Variants in RALB observed in about 807,000 individuals in gnomAD.
The protein encoded by RALB is ras-related protein Ral-B.
In RALB, 16 loss-of-function variants were observed where a neutral mutation model predicts 21.3. The ratio of observed to expected loss-of-function variants is 0.75; its 90% CI spans 0.51 to 1.14. The LOEUF (loss-of-function observed/expected upper bound fraction) is 1.14. Ranked by LOEUF, RALB falls within the 50% of genes most tolerant of loss-of-function variation. The pLI, the probability that RALB is intolerant of heterozygous loss-of-function variation, is 0.00. For synonymous variants in RALB, 93 were observed against 96.1 expected (o/e 0.97, Z 0.19); for missense variants, 161 against 256.2 (o/e 0.63, Z 2.54).
chr2:120,240,163 C>G (rs1215815167), intron 1 of RALB: 1 of 1,289,402 alleles, frequency 7.8e-7, no homozygotes, highest in East Asian at 5.5e-5. Context: ...CACTTCGAAG[C>G]CCCACAGTGA....
In RALB at chr2:120,293,913, T is replaced by C; in HGVS notation, c.*653T>C. On this transcript the variant is annotated 3_prime_UTR_variant, in exon 5 of 5. Coordinates refer to ENST00000272519, the MANE Select transcript of RALB (RefSeq NM_002881.3). ...CTCTTATTTAAACATTGGCCTATTA[T>C]AATCTGTGTTGGTTATTTTTCTCCT... The C allele has an allele frequency of 2.6e-6, 1 of 380,468 alleles. No individual in the cohort carries two copies. The allele number at this position is 380,468 out of a possible 1,614,324, so 23.6% of individuals were successfully genotyped here.
intron 3 of RALB, among the ~76,000 whole-genome samples, chr2:120,288,707 A>C (rs1690233411): frequency 6.6e-6 from 1 of 152,194 alleles, no homozygotes; most frequent in African/African-American, 2.4e-5. Flanking sequence ...TAGACGTAAA[A>C]TTTAATATGC....
intron 1 of RALB, among the ~76,000 whole-genome samples, chr2:120,246,379 G>A (rs1175260323): frequency 6.6e-6 from 1 of 152,188 alleles, no homozygotes; most frequent in Non-Finnish European, 1.5e-5. Context: ...GCCTCCAACA[G>A]TAAGCAGTGA....
At chr2:120,258,871 G>C (rs571813165) in intron 1 of RALB, among the ~76,000 whole-genome samples, 4 of 152,176 alleles carry the variant, frequency 2.6e-5, no homozygotes, top group Admixed American at 2.6e-4. Flanking sequence ...GGACCCTCGC[G>C]GTGAGTGTTA....
chr2:120,241,795 T>A (rs1026603031), intron 1 of RALB, among the ~76,000 whole-genome samples: 2 of 152,026 alleles, frequency 1.3e-5, no homozygotes, highest in Non-Finnish European at 2.9e-5. Context: ...CATGGAGAAA[T>A]TGGAACCTTT....
In RALB at chr2:120,240,283, T is replaced by A. The variant is rs570040940; in HGVS notation, c.19+158T>A. On this transcript the variant is annotated intron_variant, in intron 1 of 3. Coordinates refer to the RALB transcript ENST00000447591. ...ACTCATGGAGCTGCTACTTTTTTAT[T>A]TTTATTTTTATTTTTTTTTGAGACA... 3.9e-4 allele frequency among the ~76,000 whole-genome samples: 55 copies of A among 141,732 alleles called. 1 individual carries two copies. The highest frequency in any genetic ancestry group is 1.4e-3 in the African/African-American group (48 of 34,100). 93.0% of individuals were successfully genotyped at this position (141,732 alleles called of 152,430 possible).
chr2:120,252,079 C>CT (rs1689067887), upstream of RALB, among the ~76,000 whole-genome samples: 1 of 152,202 alleles, frequency 6.6e-6, no homozygotes, highest in South Asian at 2.1e-4. Context: ...GTTGCGATGG[C>CT]TTGTGACTCT....
Position 120,252,995 on chromosome 2 carries a change from C to T in RALB, c.-48+15C>T, listed in dbSNP as rs1689094099. ...ACTGGTCCCTGGTAAGGGCGCGGCG[C>T]CCGCGGGCCCCGGGCGGGGTGGGGC... On this transcript the variant is annotated intron_variant, in intron 1 of 4. Coordinates refer to ENST00000272519, the MANE Select transcript of RALB (RefSeq NM_002881.3). 2 of 984,334 alleles carry T rather than the reference C, an allele frequency of 2.0e-6. No homozygotes were observed. The highest frequency in any genetic ancestry group is 9.4e-5 in the South Asian group (2 of 21,306). 61.0% of individuals were successfully genotyped at this position (984,334 alleles called of 1,614,324 possible). A position where few individuals can be genotyped will look rare whatever the true frequency, so the allele number is the denominator to read the frequency against.
intron 1 of RALB, among the ~76,000 whole-genome samples, chr2:120,267,176 T>G (rs535244547): frequency 6.6e-6 from 1 of 152,324 alleles, no homozygotes; most frequent in South Asian, 2.1e-4. Context: ...TTAGTTAACT[T>G]CATTTGTTTT....
At chr2:120,283,973 T>G (rs1172043965) in intron 2 of RALB, among the ~76,000 whole-genome samples, 1 of 152,252 alleles carries the variant, frequency 6.6e-6, no homozygotes, top group African/African-American at 2.4e-5. Context: ...GACTTCTGTG[T>G]CAAAGGAGCC....
At chr2:120,276,430 C>T (rs1040881660) in intron 1 of RALB, among the ~76,000 whole-genome samples, 2 of 151,990 alleles carry the variant, frequency 1.3e-5, no homozygotes, top group Non-Finnish European at 2.9e-5. Context: ...TGGTGAAACC[C>T]CATCTCTACT....
At chr2:120,269,930 C>A (rs2104614572) in intron 1 of RALB, among the ~76,000 whole-genome samples, 1 of 152,220 alleles carries the variant, frequency 6.6e-6, no homozygotes, top group Non-Finnish European at 1.5e-5. Context: ...CAGTAGTATT[C>A]ATTTCCCCAA....
In RALB at chr2:120,293,100, T is replaced by G. The variant is rs770052504; in HGVS notation, c.502-41T>G. 8.4e-6 allele frequency: 13 copies of G among 1,541,340 alleles called. No individual in the cohort carries two copies. In the African/African-American group the frequency reaches 1.3e-4, roughly 15 times the overall value. ...AAAGAAAAAAATCATTAAATGGCTC[T>G]TTCTTCACTATTCTTTTTACTCTTT... On this transcript the variant is annotated intron_variant, in intron 4 of 4. Transcript: ENST00000272519.
At chr2:120,244,574 C>A (rs1279283021) in intron 1 of RALB, among the ~76,000 whole-genome samples, 1 of 152,216 alleles carries the variant, frequency 6.6e-6, no homozygotes, top group Non-Finnish European at 1.5e-5. Flanking sequence ...GAATAGCACC[C>A]CTTCATCCTT....
In RALB at chr2:120,291,128, G is replaced by T. The variant is rs531562286; in HGVS notation, c.501+1371G>T. On this transcript the variant is annotated intron_variant, in intron 4 of 4. Coordinates refer to ENST00000272519, the MANE Select transcript of RALB (RefSeq NM_002881.3). ...ATTGGTATTTAGAATGTTGGTATTA[G>T]AAGGGGTTTGCTTTAGACGCACTTC... Among the ~76,000 whole-genome samples the T allele has an allele frequency of 3.3e-5, 5 of 152,294 alleles. No individual in the cohort carries two copies. The East Asian group carries it at 9.7e-4, about 29-fold the overall frequency.
intron 2 of RALB, among the ~76,000 whole-genome samples, chr2:120,279,682 G>A (rs981349896): frequency 3.4e-5 from 5 of 146,982 alleles, no homozygotes; most frequent in Admixed American, 1.3e-4. Context: ...TAGGGATACC[G>A]AGGGATGACT....
intron 1 of RALB, among the ~76,000 whole-genome samples, chr2:120,277,901 G>A (rs942837735): frequency 2.7e-5 from 4 of 150,700 alleles, no homozygotes; most frequent in Non-Finnish European, 4.4e-5. Flanking sequence ...GAGTGTGAGC[G>A]TGTGTGTGAA....
chr2:120,294,678 C>CT lies in RALB; in HGVS notation c.*1427dup, dbSNP rs113673408. On this transcript the variant is annotated 3_prime_UTR_variant, in exon 5 of 5. Coordinates refer to ENST00000272519, the MANE Select transcript of RALB (RefSeq NM_002881.3). ...GTATCCCCTCCCAAAGAATCATGGGCTTTTTTTTTGAATAAAAAAGCAGAC... is the reference window on the plus strand; with the variant it reads ...GTATCCCCTCCCAAAGAATCATGGGCTTTTTTTTTTGAATAAAAAAGCAGAC... 2.0e-3 allele frequency: 317 copies of CT among 158,882 alleles called. 1 individual carries two copies. The highest frequency in any genetic ancestry group is 6.1e-3 in the African/African-American group (255 of 41,652). The allele number at this position is 158,882 out of a possible 1,614,324, so 9.8% of individuals were successfully genotyped here. A position where few individuals can be genotyped will look rare whatever the true frequency, so the allele number is the denominator to read the frequency against.
At chr2:120,264,431 C>T (rs753349499) in intron 1 of RALB, among the ~76,000 whole-genome samples, 1 of 152,160 alleles carries the variant, frequency 6.6e-6, no homozygotes, top group African/African-American at 2.4e-5. Context: ...GGATTACAGG[C>T]GTGAGCCACC....
Sources: allele counts gnomAD v4.1 joint callset (sites outside exome capture counted in the v4.1 genomes callset), GRCh38; gene constraint gnomAD v4.1.1; transcripts MANE v1.5; gene names NCBI Gene and HGNC (gene_info 2026-07-23, HGNC 2026-07-21).